KCNIP4: variants seen among roughly 807,000 people sequenced by gnomAD.
KCNIP4 encodes potassium voltage-gated channel interacting protein 4, also known as Kv channel-interacting protein 4.
Under a neutral mutation model 34.0 loss-of-function variants are expected in KCNIP4, and 12 were observed. The observed-to-expected ratio is 0.35, with a 90% CI of 0.23 to 0.57. KCNIP4 has a LOEUF of 0.57. Ranked by LOEUF, KCNIP4 falls within the 20% of genes least tolerant of loss-of-function variation. The probability of loss-of-function intolerance (pLI) is 0.83; values close to 1 mark genes in which losing one functional copy is unlikely to be tolerated. For synonymous variants in KCNIP4, 124 were observed against 102.2 expected, an observed-to-expected ratio of 1.21 and a Z score of -1.29; for missense variants, 238 against 311.7, an observed-to-expected ratio of 0.76 and a Z score of 1.78.
intron 1 of KCNIP4, among the ~76,000 whole-genome samples, chr4:21,692,900 AGG>A (rs1041654175): frequency 2.9e-5 from 3 of 102,118 alleles, no homozygotes; most frequent in African/African-American, 1.2e-4. Context: ...TGAGGTCTTT[AGG>A]GGTACTTCCT....
chr4:21,369,143 T>C (rs1310286471), intron 1 of KCNIP4, among the ~76,000 whole-genome samples: 1 of 146,994 alleles, frequency 6.8e-6, no homozygotes, highest in African/African-American at 2.7e-5. Flanking sequence ...TCTCCTAAAA[T>C]GGAAAAATAA....
chr4:21,785,690 A>G (rs527396609), intron 1 of KCNIP4, among the ~76,000 whole-genome samples: 1 of 152,242 alleles, frequency 6.6e-6, no homozygotes, highest in Non-Finnish European at 1.5e-5. Flanking sequence ...TAACCTATTC[A>G]GTTTCTATGA....
rs555333520 is a variant in KCNIP4 at position 20,737,419 on chromosome 4, A to C, written c.430-2684T>G. ...TAATGAGGAGCACTTTGAATACTGA[A>C]GAGAAGAATCTAAAAAGAGTAAGAG... is the stretch of plus-strand genomic sequence containing the variant. On this transcript the variant is annotated intron_variant, in intron 5 of 8. Transcript: ENST00000382152. Among the ~76,000 whole-genome samples, 19 of 152,302 alleles carry C rather than the reference A, an allele frequency of 1.2e-4. 1 individual carries two copies. The South Asian group carries it at 3.9e-3, about 32-fold the overall frequency.
chr4:21,397,609 A>T (rs1221558244), intron 1 of KCNIP4, among the ~76,000 whole-genome samples: 1 of 152,336 alleles, frequency 6.6e-6, no homozygotes, highest in Admixed American at 6.5e-5. Context: ...CAAGATATTA[A>T]ATATTTACTA....
chr4:21,668,347 T>A (rs1432440869), intron 1 of KCNIP4, among the ~76,000 whole-genome samples: 3 of 151,886 alleles, frequency 2.0e-5, no homozygotes, highest in Non-Finnish European at 4.4e-5. Flanking sequence ...TCCCGGTTTT[T>A]TTTAGAAGAA....
Position 21,936,121 on chromosome 4 carries a change from T to C in KCNIP4, c.61+12450A>G, listed in dbSNP as rs191312046. On this transcript the variant is annotated intron_variant, in intron 1 of 8. Coordinates refer to ENST00000382152, the MANE Select transcript of KCNIP4 (RefSeq NM_025221.6). Reference sequence around the variant, plus strand: ...AGGAAAGTAAAGCAGGGTAAAGAGATTGAGAGATGACAGGGATTGAGAGAT... The same window carrying C: ...AGGAAAGTAAAGCAGGGTAAAGAGACTGAGAGATGACAGGGATTGAGAGAT... 9.2e-5 allele frequency among the ~76,000 whole-genome samples: 14 copies of C among 152,114 alleles called. No homozygotes were observed. The East Asian group carries it at 2.1e-3, about 23-fold the overall frequency.
chr4:21,285,175 A>G (rs945341005), intron 1 of KCNIP4, among the ~76,000 whole-genome samples: 4 of 152,214 alleles, frequency 2.6e-5, no homozygotes, highest in African/African-American at 9.7e-5. Flanking sequence ...TAATATTTTA[A>G]TGAACTGATA....
At chr4:20,760,107 GTGT>G (rs921636953) in intron 3 of KCNIP4, among the ~76,000 whole-genome samples, 5 of 152,182 alleles carry the variant, frequency 3.3e-5, no homozygotes, top group African/African-American at 1.2e-4. Flanking sequence ...CTTCCAACTA[GTGT>G]TGTTCAAGAG....
chr4:20,950,932 C>T (rs1040319473), intron 1 of KCNIP4, among the ~76,000 whole-genome samples: 3 of 152,070 alleles, frequency 2.0e-5, no homozygotes, highest in African/African-American at 4.8e-5. Flanking sequence ...TCTAAAGTTA[C>T]GTGGGCATTT....
rs550830462 is a variant in KCNIP4, at chr4:21,519,566, A to G, written c.61+429005T>C. 3.3e-4 allele frequency among the ~76,000 whole-genome samples: 14 copies of G among 42,390 alleles called. 4 individuals carry two copies. The South Asian group carries it at 4.0e-3, about 12-fold the overall frequency. The allele number at this position is 42,390 out of a possible 152,430, so 27.8% of individuals were successfully genotyped here. ...TATACACATATGTGTGTATGTGTAT[A>G]TATACACATATGTGTGTGTATGTAT... On this transcript the variant is annotated intron_variant, in intron 1 of 8. Transcript: ENST00000382152.
In KCNIP4 at chr4:20,729,373, C is replaced by CAAAATTATTATATAGGCCTT. The variant is rs1553881405; in HGVS notation, c.*689_*708dup. On this transcript the variant is annotated 3_prime_UTR_variant, in exon 9 of 9. Transcript: ENST00000382152. ...GCCTGTAAGAAAGATTGAACAAATC[C>CAAAATTATTATATAGGCCTT]AAAATTATTATATAGGCCTTGGCTG... The CAAAATTATTATATAGGCCTT allele has an allele frequency of 6.7e-6, 1 of 150,040 alleles. No homozygotes were observed. Among genetic ancestry groups the CAAAATTATTATATAGGCCTT allele is most frequent in the Non-Finnish European group, 1.5e-5 (1 of 67,212 alleles). The allele number at this position is 150,040 out of a possible 1,614,324, so 9.3% of individuals were successfully genotyped here. A position where few individuals can be genotyped will look rare whatever the true frequency, so the allele number is the denominator to read the frequency against.
rs36075428 is a variant in KCNIP4, at chr4:21,731,114, CA to C, written c.61+217456del. Among the ~76,000 whole-genome samples, 693 of 134,964 alleles carry C rather than the reference CA, an allele frequency of 5.1e-3. 1 individual carries two copies. Among genetic ancestry groups the C allele is most frequent in the African/African-American group, 7.9e-3 (285 of 35,902 alleles). 88.5% of individuals were successfully genotyped at this position (134,964 alleles called of 152,430 possible). ...GGGCAACTGAAGTAAGAACCTGTCTCAAAAAAAAAAAAAAAATCCATTGTGA... is the reference window on the plus strand; with the variant it reads ...GGGCAACTGAAGTAAGAACCTGTCTCAAAAAAAAAAAAAAATCCATTGTGA... On this transcript the variant is annotated intron_variant, in intron 1 of 8. Transcript: ENST00000382152.
At chr4:21,364,713 T>C (rs181368650) in intron 1 of KCNIP4, among the ~76,000 whole-genome samples, 98 of 152,226 alleles carry the variant, frequency 6.4e-4, no homozygotes, top group Admixed American at 3.9e-3. Flanking sequence ...TCAAGAGCCA[T>C]ATAATCAAAT....
intron 1 of KCNIP4, among the ~76,000 whole-genome samples, chr4:21,099,320 G>C (rs1216956404): frequency 2.6e-5 from 4 of 152,154 alleles, no homozygotes; most frequent in East Asian, 3.9e-4. Flanking sequence ...CCTTTGCACG[G>C]ATGGAGCTGG....
chr4:21,586,646 A>T (rs1287467811), intron 1 of KCNIP4, among the ~76,000 whole-genome samples: 1 of 152,112 alleles, frequency 6.6e-6, no homozygotes, highest in Non-Finnish European at 1.5e-5. Context: ...GACAAAGAAC[A>T]AGAGAAAGAG....
At chr4:21,397,575 G>GT (rs983119667) in intron 1 of KCNIP4, among the ~76,000 whole-genome samples, 7 of 152,090 alleles carry the variant, frequency 4.6e-5, no homozygotes, top group African/African-American at 1.4e-4. Context: ...AAATCACTGA[G>GT]TTTTTTTACA....
chr4:21,250,239 T>C (rs1460249718), intron 1 of KCNIP4, among the ~76,000 whole-genome samples: 1 of 147,854 alleles, frequency 6.8e-6, no homozygotes, highest in African/African-American at 2.5e-5. Context: ...AAAGGAAATA[T>C]ACATATATAT....
chr4:21,307,647 G>A (rs762493931), intron 1 of KCNIP4, among the ~76,000 whole-genome samples: 1 of 152,170 alleles, frequency 6.6e-6, no homozygotes, highest in Non-Finnish European at 1.5e-5. Context: ...TGAATAATCT[G>A]ATTGATATTC....
At chr4:21,074,839 C>T (rs1411154022) in intron 1 of KCNIP4, among the ~76,000 whole-genome samples, 1 of 152,166 alleles carries the variant, frequency 6.6e-6, no homozygotes, top group Non-Finnish European at 1.5e-5. Context: ...TATGTTGTGT[C>T]TTTGTTCTTG....
Sources: allele counts gnomAD v4.1 joint callset (sites outside exome capture counted in the v4.1 genomes callset), GRCh38; gene constraint gnomAD v4.1.1; transcripts MANE v1.5; gene names NCBI Gene and HGNC (gene_info 2026-07-23, HGNC 2026-07-21).